The following GTF3C2 variants were observed in gnomAD, a reference collection of about 807,000 sequenced individuals.
GTF3C2 encodes general transcription factor 3C polypeptide 2.
Under a neutral mutation model 117.4 loss-of-function variants are expected in GTF3C2, and 17 were observed. The ratio of observed to expected loss-of-function variants is 0.14; its 90% CI spans 0.10 to 0.22. The LOEUF is 0.22. Ranked by LOEUF, GTF3C2 falls within the 10% of genes least tolerant of loss-of-function variation. The pLI is 1.00. For missense variants in GTF3C2, 888 were observed against 1,143.6 expected (o/e 0.78, Z 3.22); for synonymous variants, 437 against 427.0 (o/e 1.02, Z -0.29).
chr2:27,330,948 A>T (rs1382382248), intron 12 of GTF3C2, among the ~76,000 whole-genome samples: 1 of 151,992 alleles, frequency 6.6e-6, no homozygotes, highest in Non-Finnish European at 1.5e-5. Context: ...GACCCCACAG[A>T]CCCTGTCTCA....
At chr2:27,352,728 C>T (rs1319368465) in intron 1 of GTF3C2, among the ~76,000 whole-genome samples, 2 of 152,112 alleles carry the variant, frequency 1.3e-5, no homozygotes, top group African/African-American at 4.8e-5. Context: ...ATTTTAATTT[C>T]CCTGCATCAT....
intron 4 of GTF3C2, among the ~76,000 whole-genome samples, chr2:27,339,428 GAA>G (rs796760512): frequency 7.4e-6 from 1 of 134,316 alleles, no homozygotes; most frequent in Non-Finnish European, 1.6e-5. Flanking sequence ...AAAAAAAAAA[GAA>G]AAAAAAAATC....
At chr2:27,340,532 C>G (rs1438498532) in intron 4 of GTF3C2, 1 of 152,148 alleles carries the variant, frequency 6.6e-6, no homozygotes, top group Non-Finnish European at 1.5e-5. Flanking sequence ...CCGCACCTGG[C>G]CTCTTACATA....
chr2:27,356,422 T>C (rs937806464), intron 1 of GTF3C2: 8 of 254,956 alleles, frequency 3.1e-5, no homozygotes, highest in Admixed American at 2.6e-4. Flanking sequence ...CAAGGACTAC[T>C]GTAGGTTCGC....
chr2:27,326,251 G>T (rs1446488733), exon 19 of GTF3C2: 1 of 475,074 alleles, frequency 2.1e-6, no homozygotes, highest in Admixed American at 2.4e-5. Context: ...CAGTAATATT[G>T]GATCCTGGAA....
chr2:27,335,875 G>T, intron 9 of GTF3C2, 42 bp downstream of exon 9: 2 of 1,353,384 alleles, frequency 1.5e-6, no homozygotes, highest in Non-Finnish European at 2.1e-6. Flanking sequence ...CTTTGTCCTG[G>T]CTTTGAGTCC....
chr2:27,335,750 C>G (rs1481100678), intron 9 of GTF3C2, 44 bp from the exon 10 acceptor site: 2 of 1,354,934 alleles, frequency 1.5e-6, no homozygotes, highest in Non-Finnish European at 2.1e-6. Flanking sequence ...CTTCAGCTGA[C>G]TCACAGAAAA....
chr2:27,329,529 A>AT lies in GTF3C2; in HGVS notation c.1733-7dup, dbSNP rs1467637108. On this transcript the variant is annotated splice_polypyrimidine_tract_variant and splice_region_variant and intron_variant, in intron 12 of 18. Coordinates refer to ENST00000264720, the Ensembl canonical transcript of GTF3C2. The surrounding 1 kb of genome is among the most constrained non-coding windows in gnomAD (Gnocchi z 4.5). ...GTTCCAGAAAACCACCATGCCTGAA[A>AT]TAAGGACAGAATGTGTGAGCATTAA... The AT allele has an allele frequency of 1.9e-6, 3 of 1,613,624 alleles. No individual in the cohort carries two copies. Among genetic ancestry groups the AT allele is most frequent in the African/African-American group, 2.7e-5 (2 of 74,912 alleles).
chr2:27,337,668 GCCAGTTGCTAGCT>G, intron 5 of GTF3C2, 110 bp from the exon 6 acceptor site: 1 of 812,556 alleles, frequency 1.2e-6, no homozygotes, highest in East Asian at 2.5e-5. Flanking sequence ...TCCCCAATAT[GCCAGTTGCTAGCT>G]CCAATTAGCT....
intron 1 of GTF3C2, among the ~76,000 whole-genome samples, chr2:27,353,595 T>C (rs934246683): frequency 6.6e-6 from 1 of 152,006 alleles, no homozygotes; most frequent in African/African-American, 2.4e-5. Flanking sequence ...TGTGCCACCA[T>C]GCCCAGCTAA....
intron 1 of GTF3C2, among the ~76,000 whole-genome samples, chr2:27,353,443 G>A (rs1465777295): frequency 6.6e-6 from 1 of 150,606 alleles, no homozygotes; most frequent in Non-Finnish European, 1.5e-5. Flanking sequence ...TTAGTTTTTT[G>A]TTTTTGTTTT....
At chr2:27,328,673 G>GAGAC in intron 15 of GTF3C2, 77 bp from the exon 16 acceptor site, 1 of 1,275,160 alleles carries the variant, frequency 7.8e-7, no homozygotes. Context: ...CACAGTCTGA[G>GAGAC]AGACAGACAC....
intron 4 of GTF3C2, chr2:27,338,295 C>T (rs1292193251): frequency 2.9e-5 from 12 of 414,278 alleles, no homozygotes; most frequent in South Asian, 1.6e-4. Context: ...TTCCCTTATG[C>T]CTCTTTGAAA....
exon 17 of GTF3C2, chr2:27,328,074 ACAGTTT>A: frequency 1.2e-6 from 2 of 1,611,060 alleles, no homozygotes; most frequent in Non-Finnish European, 1.7e-6. Flanking sequence ...GTGATGGTTG[ACAGTTT>A]CAGTGTAAGT....
chr2:27,331,073 T>A (rs866143344), intron 12 of GTF3C2, among the ~76,000 whole-genome samples: 1 of 152,208 alleles, frequency 6.6e-6, no homozygotes, highest in Non-Finnish European at 1.5e-5. Context: ...AAAAAGTTTG[T>A]TGACGATGAA....
exon 19 of GTF3C2, chr2:27,326,380 A>G: frequency 1.9e-6 from 1 of 522,590 alleles, no homozygotes; most frequent in Non-Finnish European, 3.5e-6. Context: ...AATATGCTCA[A>G]TATGAGCAGT....
chr2:27,350,421 G>A (rs1008618774), intron 1 of GTF3C2: 9 of 985,384 alleles, frequency 9.1e-6, no homozygotes, highest in African/African-American at 7.0e-5. Context: ...AAATGATCAC[G>A]ATGAGGGTTG....
Position 27,342,120 on chromosome 2 carries a change from CG to C in GTF3C2, c.682del (p.Arg228GlyfsTer46). ...TCCACCTGGACAGGCTGCTGGCTGC[CG>C]GATCTTCTTCGGTTTGGTGGGGCTG... On this transcript the variant is annotated frameshift_variant, in exon 4 of 19. Coordinates refer to ENST00000264720, the Ensembl canonical transcript of GTF3C2. LOFTEE classifies it high-confidence loss of function. 1 of 1,614,118 alleles carries C rather than the reference CG, an allele frequency of 6.2e-7. No individual in the cohort carries two copies. Among genetic ancestry groups the C allele is most frequent in the Non-Finnish European group, 8.5e-7 (1 of 1,180,038 alleles).
intron 12 of GTF3C2, among the ~76,000 whole-genome samples, chr2:27,330,894 A>G (rs1186900655): frequency 6.6e-6 from 1 of 150,528 alleles, no homozygotes; most frequent in Non-Finnish European, 1.5e-5. Context: ...CTCGGGAGAT[A>G]GAGGTTGCAG....
Sources: allele counts gnomAD v4.1 joint callset (sites outside exome capture counted in the v4.1 genomes callset), GRCh38; gene constraint gnomAD v4.1.1; non-coding constraint Gnocchi (gnomAD v3.1); transcripts MANE v1.5; gene names NCBI Gene and HGNC (gene_info 2026-07-23, HGNC 2026-07-21).